The following NCALD variants were observed in gnomAD, a reference collection of about 807,000 sequenced individuals.
NCALD encodes the protein neurocalcin delta.
Under a neutral mutation model 18.6 loss-of-function variants are expected in NCALD, and 10 were observed. That is an observed-to-expected ratio of 0.54 (90% CI 0.33 to 0.91). The LOEUF (loss-of-function observed/expected upper bound fraction) is 0.91, where lower values mean the gene tolerates loss of function less well. NCALD is among the 40% of genes least tolerant of loss of function. The probability of loss-of-function intolerance (pLI) is 0.03; values close to 1 mark genes in which losing one functional copy is unlikely to be tolerated. For missense variants in NCALD, 184 were observed against 247.6 expected, an observed-to-expected ratio of 0.74 and a Z score of 1.72; for synonymous variants, 88 against 87.4, an observed-to-expected ratio of 1.01 and a Z score of -0.04.
At chr8:102,030,656 A>G (rs1180703634) in intron 1 of NCALD, among the ~76,000 whole-genome samples, 3 of 152,174 alleles carry the variant, frequency 2.0e-5, no homozygotes, top group Admixed American at 2.0e-4. Context: ...TGGGCGGATC[A>G]CTTGAGGTCA....
intron 2 of NCALD, among the ~76,000 whole-genome samples, chr8:102,010,257 C>T (rs1821858633): frequency 6.6e-6 from 1 of 152,246 alleles, no homozygotes; most frequent in African/African-American, 2.4e-5. Context: ...AACATATTTG[C>T]ATACTTTCTC....
chr8:102,073,921 T>A (rs2132304764), intron 1 of NCALD, among the ~76,000 whole-genome samples: 1 of 152,336 alleles, frequency 6.6e-6, no homozygotes, highest in African/African-American at 2.4e-5. Flanking sequence ...CACTAGATGT[T>A]TTTGGAATCT....
intron 1 of NCALD, among the ~76,000 whole-genome samples, chr8:102,050,163 C>G (rs1481738437): frequency 5.4e-5 from 1 of 18,352 alleles, no homozygotes. Flanking sequence ...AGCGAGACTC[C>G]GTCTCAAAAA....
chr8:101,859,920 A>G (rs1425997045), intron 4 of NCALD, among the ~76,000 whole-genome samples: 1 of 152,212 alleles, frequency 6.6e-6, no homozygotes, highest in African/African-American at 2.4e-5. Flanking sequence ...AAAGACCCCA[A>G]TAGGGCATAT....
At chr8:102,082,323 T>A (rs540324964) in intron 1 of NCALD, among the ~76,000 whole-genome samples, 173 of 133,386 alleles carry the variant, frequency 1.3e-3, no homozygotes, top group African/African-American at 4.5e-3. Context: ...AAGCTCCACC[T>A]CCCGGATTCA....
At chr8:101,940,743 A>G (rs541640643) in intron 2 of NCALD, among the ~76,000 whole-genome samples, 1 of 152,318 alleles carries the variant, frequency 6.6e-6, no homozygotes, top group South Asian at 2.1e-4. Flanking sequence ...TATTGGATAA[A>G]CTGCACAGAG....
chr8:101,887,701 G>A (rs1422810666), intron 3 of NCALD, among the ~76,000 whole-genome samples: 1 of 151,564 alleles, frequency 6.6e-6, no homozygotes, highest in Admixed American at 6.6e-5. Context: ...TGTAATGTAT[G>A]TAATTTTTCC....
Position 101,957,440 on chromosome 8 carries a change from A to G in NCALD, c.-156-41582T>C, listed in dbSNP as rs148251294. Among the ~76,000 whole-genome samples the G allele has an allele frequency of 1.2e-4, 19 of 152,240 alleles. No homozygotes were observed. The East Asian group carries it at 3.7e-3, about 29-fold the overall frequency. On this transcript the variant is annotated intron_variant, in intron 2 of 6. Transcript: ENST00000311028. ...GTCTAAAATACTGACTGCAGTTAACATGAACTTAGCATCCTGATGCCAAAT... is the reference window on the plus strand; with the variant it reads ...GTCTAAAATACTGACTGCAGTTAACGTGAACTTAGCATCCTGATGCCAAAT...
rs770307937 is a variant in NCALD, at chr8:102,081,545, TAAAAAAAAAAAAAAA to T, written c.-210+42677_-210+42691del. 3.1e-4 allele frequency among the ~76,000 whole-genome samples: 21 copies of T among 68,706 alleles called. 1 individual carries two copies. The highest frequency in any genetic ancestry group is 1.1e-3 in the South Asian group (2 of 1,904). The allele number at this position is 68,706 out of a possible 152,430, so 45.1% of individuals were successfully genotyped here. A position where few individuals can be genotyped will look rare whatever the true frequency, so the allele number is the denominator to read the frequency against. ...AAGTCAAGGAGAATTCAAATAATGG[TAAAAAAAAAAAAAAA>T]AAAAAAAAAAAAAAAACCCCAAAAA... On this transcript the variant is annotated intron_variant, in intron 1 of 6. Coordinates refer to the NCALD transcript ENST00000311028.
At chr8:101,757,612 G>A (rs567369427) in intron 1 of NCALD, among the ~76,000 whole-genome samples, 17 of 152,164 alleles carry the variant, frequency 1.1e-4, no homozygotes, top group African/African-American at 4.1e-4. Context: ...TCATGAATTT[G>A]TGAAATAATT....
chr8:101,893,311 G>A (rs1196118578), intron 3 of NCALD, among the ~76,000 whole-genome samples: 12 of 150,948 alleles, frequency 7.9e-5, no homozygotes, highest in Admixed American at 3.9e-4. Flanking sequence ...ACAAGCAAAT[G>A]CTGAGAGATT....
At chr8:101,914,971 G>A (rs1817925361) in intron 3 of NCALD, among the ~76,000 whole-genome samples, 1 of 152,126 alleles carries the variant, frequency 6.6e-6, no homozygotes, top group Non-Finnish European at 1.5e-5. Flanking sequence ...TGGGATCTTG[G>A]AATGTCCCTG....
intron 2 of NCALD, among the ~76,000 whole-genome samples, chr8:101,702,401 ATT>A (rs532823068): frequency 6.6e-6 from 1 of 150,998 alleles, no homozygotes; most frequent in African/African-American, 2.4e-5. Context: ...ACACTGGGTA[ATT>A]TTTTTTTGTA....
chr8:101,951,331 C>A (rs1430898697), intron 2 of NCALD, among the ~76,000 whole-genome samples: 1 of 152,158 alleles, frequency 6.6e-6, no homozygotes, highest in African/African-American at 2.4e-5. Flanking sequence ...AAGACTTGAG[C>A]AGGGAGGTGT....
intron 4 of NCALD, among the ~76,000 whole-genome samples, chr8:101,858,016 CTT>C (rs1815389005): frequency 6.6e-6 from 1 of 152,162 alleles, no homozygotes; most frequent in Non-Finnish European, 1.5e-5. Flanking sequence ...TTGATTCAGT[CTT>C]TTTGGAGAGC....
chr8:102,064,864 C>T (rs867803604), intron 1 of NCALD, among the ~76,000 whole-genome samples: 16 of 152,240 alleles, frequency 1.1e-4, no homozygotes, highest in South Asian at 6.2e-4. Context: ...TGGCACTTTG[C>T]TCTTCCCTAG....
intron 1 of NCALD, among the ~76,000 whole-genome samples, chr8:101,734,188 G>A (rs1249658496): frequency 6.6e-6 from 1 of 152,116 alleles, no homozygotes; most frequent in African/African-American, 2.4e-5. Context: ...TCACTCGGCA[G>A]CCATTCTCAG....
At chr8:102,030,483 T>G (rs1202340376) in intron 1 of NCALD, among the ~76,000 whole-genome samples, 1 of 152,232 alleles carries the variant, frequency 6.6e-6, no homozygotes, top group Non-Finnish European at 1.5e-5. Context: ...TATAAACCTT[T>G]GGAGGATGAA....
At chr8:102,071,807 C>T (rs951030852) in intron 1 of NCALD, among the ~76,000 whole-genome samples, 1 of 152,126 alleles carries the variant, frequency 6.6e-6, no homozygotes, top group Non-Finnish European at 1.5e-5. Context: ...TGCAAGACCC[C>T]TACATTGAAA....
Sources: gnomAD v4.1 joint callset for allele counts (sites outside exome capture counted in the v4.1 genomes callset) on GRCh38, gnomAD v4.1.1 for gene constraint, MANE v1.5 for transcripts, NCBI Gene and HGNC (gene_info 2026-07-23, HGNC 2026-07-21) for gene names.